ZPBP: variants seen among roughly 807,000 people sequenced by gnomAD.
The protein encoded by ZPBP is zona pellucida-binding protein 1.
ZPBP carries 26 observed loss-of-function variants against 44.8 expected under a neutral mutation model. That is an observed-to-expected ratio of 0.58 (90% confidence interval 0.43 to 0.81). The LOEUF (loss-of-function observed/expected upper bound fraction) is 0.81, where lower values mean the gene tolerates loss of function less well. Ranked by LOEUF, ZPBP falls within the 30% of genes least tolerant of loss-of-function variation. The probability of loss-of-function intolerance (pLI) is 0.00; values close to 1 mark genes in which losing one functional copy is unlikely to be tolerated. For missense variants in ZPBP, 409 were observed against 434.0 expected, an observed-to-expected ratio of 0.94 and a Z score of 0.51; for synonymous variants, 174 against 153.2, an observed-to-expected ratio of 1.14 and a Z score of -1.00.
chr7:49,942,479 T>C (rs963741848), intron 7 of ZPBP: 1 of 151,560 alleles, frequency 6.6e-6, no homozygotes, highest in African/African-American at 2.5e-5. Context: ...TTTTGGTAAA[T>C]GCTGTGTAGC....
At position 49,877,481 on chromosome 7, in the gene ZPBP, A is replaced by AAAAAAATATACATATAT; in HGVS notation, n.509+23636_509+23637insATATATGTATATTTTTT. Among the ~76,000 whole-genome samples the AAAAAAATATACATATAT allele has an allele frequency of 4.4e-3, 56 of 12,726 alleles. 16 individuals carry two copies. The highest frequency in any genetic ancestry group is 0.012 in the African/African-American group (44 of 3,600). 8.3% of individuals were successfully genotyped at this position (12,726 alleles called of 152,430 possible). A position where few individuals can be genotyped will look rare whatever the true frequency, so the allele number is the denominator to read the frequency against. The stretch of plus-strand genomic sequence containing the variant: ...CTGTCTCAAAAAAAAAAAAAAAAAA[A>AAAAAAATATACATATAT]ATATATATATATATATATATATATA... On this transcript the variant is annotated intron_variant and non_coding_transcript_variant, in intron 2 of 2. Coordinates refer to the ZPBP transcript ENST00000465922.
At chr7:50,055,519 T>A (rs1329506299) in intron 4 of ZPBP, among the ~76,000 whole-genome samples, 1 of 152,128 alleles carries the variant, frequency 6.6e-6, no homozygotes, top group Non-Finnish European at 1.5e-5. Flanking sequence ...TAAATTGAAA[T>A]CTGAGTTCTT....
intron 4 of ZPBP, among the ~76,000 whole-genome samples, chr7:50,040,651 T>A (rs766135025): frequency 3.3e-5 from 5 of 152,090 alleles, no homozygotes; most frequent in African/African-American, 2.4e-5. Flanking sequence ...CCGACAGTCT[T>A]CGCAACCTGC....
At chr7:49,962,363 A>T (rs972775959) in intron 7 of ZPBP, among the ~76,000 whole-genome samples, 2 of 151,956 alleles carry the variant, frequency 1.3e-5, no homozygotes, top group Admixed American at 1.3e-4. Context: ...CAATCAATGC[A>T]TCATAAAAAC....
chr7:50,049,252 G>A (rs565405867), intron 4 of ZPBP, among the ~76,000 whole-genome samples: 3 of 152,004 alleles, frequency 2.0e-5, no homozygotes, highest in Non-Finnish European at 4.4e-5. Flanking sequence ...AGATATATTA[G>A]CAACAATTCT....
At position 50,069,729 on chromosome 7, in the gene ZPBP, G is replaced by A. The variant is rs76328153; in HGVS notation, c.335-11588C>T. On this transcript the variant is annotated intron_variant, in intron 3 of 7. Coordinates refer to ENST00000046087, the MANE Select transcript of ZPBP (RefSeq NM_007009.3). ...TCCCTCCTATTTCCTCCCTTGCAAC[G>A]CACTTTCACTCTCACTTTCACTCTC... Among the ~76,000 whole-genome samples, 1,045 of 151,834 alleles carry A rather than the reference G, an allele frequency of 6.9e-3. 5 individuals are homozygous for A. The highest frequency in any genetic ancestry group is 0.034 in the Middle Eastern group (10 of 294).
chr7:49,854,477 T>G (rs1211920692), intron 2 of ZPBP, among the ~76,000 whole-genome samples: 2 of 152,218 alleles, frequency 1.3e-5, no homozygotes, highest in East Asian at 1.9e-4. Flanking sequence ...TGATGAGCAT[T>G]TTTTCATGTG....
At chr7:49,847,760 A>C (rs2128715338), downstream of ZPBP, among the ~76,000 whole-genome samples, 1 of 152,288 alleles carries the variant, frequency 6.6e-6, no homozygotes, top group South Asian at 2.1e-4. Context: ...GCAGACTGTG[A>C]GCACAGGAAC....
intron 2 of ZPBP, among the ~76,000 whole-genome samples, chr7:49,880,745 C>T (rs1035703698): frequency 1.3e-5 from 2 of 151,950 alleles, no homozygotes; most frequent in Admixed American, 6.6e-5. Flanking sequence ...GACGAGTTAA[C>T]GGATGCAGCA....
chr7:49,849,945 G>A (rs1003695810), downstream of ZPBP, among the ~76,000 whole-genome samples: 5 of 152,156 alleles, frequency 3.3e-5, no homozygotes, highest in Non-Finnish European at 5.9e-5. Context: ...GTACAGCATG[G>A]TGCACAGGAA....
chr7:50,061,455 T>C (rs1179760181), intron 3 of ZPBP, among the ~76,000 whole-genome samples: 1 of 152,146 alleles, frequency 6.6e-6, no homozygotes, highest in Non-Finnish European at 1.5e-5. Flanking sequence ...AATCCCAGCA[T>C]GTTGGGAGGT....
intron 7 of ZPBP, chr7:49,940,696 A>G (rs76795956): frequency 2.1e-6 from 2 of 944,026 alleles, no homozygotes; most frequent in African/African-American, 1.8e-5. Context: ...AAAAAAAAAA[A>G]TTGTGGCATT....
chr7:50,050,741 T>C (rs1003236345), intron 4 of ZPBP, among the ~76,000 whole-genome samples: 1 of 136,140 alleles, frequency 7.3e-6, no homozygotes. Flanking sequence ...TCAAGATGGA[T>C]TGAAGCCACT....
rs538405428 is a variant in ZPBP, at chr7:50,041,062, C to T, written c.488-9752G>A. Among the ~76,000 whole-genome samples, 154 of 152,288 alleles carry T rather than the reference C, an allele frequency of 1.0e-3. 1 individual carries two copies. Among genetic ancestry groups the T allele is most frequent in the African/African-American group, 3.7e-3 (153 of 41,564 alleles). ...GCCTGGAAGTTTGAACTGGGTGGAG[C>T]CCACCTCAGCTCTGCAAAGCCGCTA... On this transcript the variant is annotated intron_variant, in intron 4 of 7. Transcript: ENST00000046087.
At chr7:50,028,608 A>T (rs1017707126) in intron 5 of ZPBP, among the ~76,000 whole-genome samples, 5 of 152,022 alleles carry the variant, frequency 3.3e-5, no homozygotes, top group Non-Finnish European at 7.4e-5. Flanking sequence ...CACAAAAAAA[A>T]CACTATTAGA....
intron 6 of ZPBP, among the ~76,000 whole-genome samples, chr7:49,999,844 T>TTCTACACACACC (rs1798018333): frequency 1.3e-5 from 2 of 152,192 alleles, no homozygotes; most frequent in African/African-American, 4.8e-5. Flanking sequence ...CCAGAAATAA[T>TTCTACACACACC]GGTGTACCAG....
intron 2 of ZPBP, among the ~76,000 whole-genome samples, chr7:49,875,676 T>C (rs1013372563): frequency 6.6e-6 from 1 of 152,092 alleles, no homozygotes; most frequent in African/African-American, 2.4e-5. Context: ...CTCACTTTCC[T>C]CCTCTTTGCA....
chr7:49,913,092 C>T (rs1214991513), intron 1 of ZPBP: 4 of 152,144 alleles, frequency 2.6e-5, no homozygotes, highest in Non-Finnish European at 5.9e-5. Flanking sequence ...TCTAAATGTG[C>T]TACAGATAAC....
At chr7:49,947,180 C>T (rs1257976890) in intron 7 of ZPBP, among the ~76,000 whole-genome samples, 2 of 152,024 alleles carry the variant, frequency 1.3e-5, no homozygotes, top group African/African-American at 4.8e-5. Context: ...CATCTGTTTC[C>T]CAAGATTGAT....
Sources: allele counts gnomAD v4.1 joint callset (sites outside exome capture counted in the v4.1 genomes callset), GRCh38; gene constraint gnomAD v4.1.1; transcripts MANE v1.5; gene names NCBI Gene and HGNC (gene_info 2026-07-23, HGNC 2026-07-21).